The following GRID2 variants were observed in gnomAD, a reference collection of about 807,000 sequenced individuals.
GRID2 encodes glutamate ionotropic receptor delta type subunit 2, also known as glutamate receptor ionotropic, delta-2.
GRID2 carries 33 observed loss-of-function variants against 114.8 expected under a neutral mutation model. That is an observed-to-expected ratio of 0.29 (90% CI 0.22 to 0.38). The LOEUF is 0.38. Ranked by LOEUF, GRID2 falls within the 10% of genes least tolerant of loss-of-function variation. The pLI, the probability that GRID2 is intolerant of heterozygous loss-of-function variation, is 1.00. For synonymous variants in GRID2, 505 were observed against 449.9 expected (o/e 1.12, Z -1.55); for missense variants, 1,184 against 1,257.7 (o/e 0.94, Z 0.89).
chr4:93,319,961 G>C (rs1757044346), intron 8 of GRID2, among the ~76,000 whole-genome samples: 1 of 152,064 alleles, frequency 6.6e-6, no homozygotes, highest in African/African-American at 2.4e-5. Context: ...TTGACCTATA[G>C]AACTGTGAGA....
chr4:93,035,105 CTT>C (rs1409804820), intron 2 of GRID2, among the ~76,000 whole-genome samples: 3 of 136,232 alleles, frequency 2.2e-5, no homozygotes, highest in African/African-American at 2.7e-5. Flanking sequence ...TCACTGTCTG[CTT>C]TTTTTTTTTT....
At chr4:93,678,217 A>G (rs1725114960) in intron 14 of GRID2, among the ~76,000 whole-genome samples, 1 of 152,212 alleles carries the variant, frequency 6.6e-6, no homozygotes, top group Admixed American at 6.5e-5. Flanking sequence ...CAAGAAGGGA[A>G]GTTTAGAGAA....
At chr4:92,706,712 T>C (rs374462504) in intron 2 of GRID2, among the ~76,000 whole-genome samples, 289 of 152,324 alleles carry the variant, frequency 1.9e-3, no homozygotes, top group Middle Eastern at 0.017. Context: ...AAAACCTGTT[T>C]GATTATCAGA....
intron 4 of GRID2, among the ~76,000 whole-genome samples, chr4:93,190,811 A>T (rs550019205): frequency 6.6e-6 from 1 of 152,160 alleles, no homozygotes; most frequent in Admixed American, 6.5e-5. Flanking sequence ...TGGGTCTTTG[A>T]CATAATTCTT....
At chr4:92,993,877 C>T (rs773243517) in intron 2 of GRID2, among the ~76,000 whole-genome samples, 1 of 152,128 alleles carries the variant, frequency 6.6e-6, no homozygotes, top group African/African-American at 2.4e-5. Flanking sequence ...ATATAAGTCA[C>T]ATTTATGTTT....
intron 2 of GRID2, among the ~76,000 whole-genome samples, chr4:92,598,984 T>C (rs1021587886): frequency 2.0e-5 from 3 of 152,054 alleles, no homozygotes; most frequent in Non-Finnish European, 2.9e-5. Context: ...CTTACCAAGA[T>C]TTTGAGTGCT....
intron 14 of GRID2, among the ~76,000 whole-genome samples, chr4:93,726,046 T>C (rs1369865468): frequency 1.3e-5 from 2 of 152,256 alleles, no homozygotes; most frequent in African/African-American, 2.4e-5. Context: ...GTTTTAGATA[T>C]GAAGTCCTTG....
chr4:93,413,052 A>G (rs2149355347), intron 9 of GRID2, among the ~76,000 whole-genome samples: 1 of 152,242 alleles, frequency 6.6e-6, no homozygotes, highest in East Asian at 1.9e-4. Context: ...TGCTGCAGTA[A>G]ACATCTGTGT....
intron 2 of GRID2, among the ~76,000 whole-genome samples, chr4:92,704,132 G>T (rs981763982): frequency 6.6e-6 from 1 of 152,104 alleles, no homozygotes; most frequent in Non-Finnish European, 1.5e-5. Context: ...CAAAAAATTA[G>T]CTGGGCGTCG....
intron 13 of GRID2, among the ~76,000 whole-genome samples, chr4:93,616,511 A>G (rs949447712): frequency 6.7e-6 from 1 of 148,888 alleles, no homozygotes; most frequent in African/African-American, 2.5e-5. Context: ...GAGCTACTGC[A>G]TTACAGCCTG....
intron 2 of GRID2, among the ~76,000 whole-genome samples, chr4:93,060,012 C>G (rs1044768996): frequency 6.6e-6 from 1 of 151,876 alleles, no homozygotes; most frequent in Non-Finnish European, 1.5e-5. Flanking sequence ...ACTCCTTTCT[C>G]AGAGATTTTT....
intron 2 of GRID2, among the ~76,000 whole-genome samples, chr4:92,666,650 G>GTTGTTTTTT (rs1732792716): frequency 2.9e-5 from 2 of 68,594 alleles, no homozygotes; most frequent in African/African-American, 1.0e-4. Flanking sequence ...CTTAAGGGTT[G>GTTGTTTTTT]TTTTTTTTTT....
chr4:92,540,040 T>C (rs1029530477), intron 1 of GRID2, among the ~76,000 whole-genome samples: 5 of 152,062 alleles, frequency 3.3e-5, no homozygotes, highest in African/African-American at 1.2e-4. Flanking sequence ...AAACAAGAAA[T>C]GGGGAAAGGA....
intron 1 of GRID2, among the ~76,000 whole-genome samples, chr4:92,359,454 G>T (rs1037786061): frequency 2.3e-4 from 35 of 152,060 alleles, no homozygotes; most frequent in Admixed American, 1.4e-3. Flanking sequence ...CAGATAATTA[G>T]ATATAATTTA....
At chr4:93,189,459 C>T (rs1359891954) in intron 4 of GRID2, among the ~76,000 whole-genome samples, 3 of 152,060 alleles carry the variant, frequency 2.0e-5, no homozygotes, top group East Asian at 1.9e-4. Context: ...AATCACTTCC[C>T]AAAGGGCCCA....
chr4:92,482,134 A>AT (rs1374590575), intron 1 of GRID2, among the ~76,000 whole-genome samples: 1 of 149,890 alleles, frequency 6.7e-6, no homozygotes, highest in African/African-American at 2.5e-5. Flanking sequence ...CTACACAGCC[A>AT]TAAAAAAACA....
At chr4:93,045,033 C>A (rs998798887) in intron 2 of GRID2, among the ~76,000 whole-genome samples, 1 of 152,060 alleles carries the variant, frequency 6.6e-6, no homozygotes, top group Non-Finnish European at 1.5e-5. Context: ...GCATCTAGCT[C>A]CCTGTGTTAT....
At chr4:93,275,341 G>A (rs371882428) in intron 8 of GRID2, among the ~76,000 whole-genome samples, 112 of 151,404 alleles carry the variant, frequency 7.4e-4, no homozygotes, top group African/African-American at 2.4e-3. Flanking sequence ...AGTTGTTTCC[G>A]CTTTTCCTCC....
At chr4:92,656,483 A>C (rs74996539) in intron 2 of GRID2, among the ~76,000 whole-genome samples, 8,980 of 151,572 alleles carry the variant, frequency 0.059, 352 homozygotes, top group East Asian at 0.16. Context: ...AAAAAAAAAA[A>C]CACTTTTCTA....
Sources: gnomAD v4.1 joint callset for allele counts (sites outside exome capture counted in the v4.1 genomes callset) on GRCh38, gnomAD v4.1.1 for gene constraint, MANE v1.5 for transcripts, NCBI Gene and HGNC (gene_info 2026-07-23, HGNC 2026-07-21) for gene names.